Variants in LMNB1 observed in about 807,000 individuals in gnomAD.
LMNB1 encodes the protein lamin-B1.
Under a neutral mutation model 67.1 loss-of-function variants are expected in LMNB1, and 23 were observed. That is an observed-to-expected ratio of 0.34 (90% CI 0.25 to 0.49). LMNB1 has a LOEUF of 0.49. Among genes scored for constraint, LMNB1 ranks in the 20% least tolerant of loss-of-function variants. The pLI, the probability that LMNB1 is intolerant of heterozygous loss-of-function variation, is 0.99. For missense variants in LMNB1, 634 were observed against 746.5 expected, an observed-to-expected ratio of 0.85 and a Z score of 1.76; for synonymous variants, 281 against 282.9, an observed-to-expected ratio of 0.99 and a Z score of 0.07.
intron 1 of LMNB1, among the ~76,000 whole-genome samples, chr5:126,785,146 A>T (rs1580524498): frequency 7.4e-6 from 1 of 135,594 alleles, no homozygotes; most frequent in Non-Finnish European, 1.6e-5. Context: ...TGCCCGGCTA[A>T]TTTTTTTTTT....
intron 1 of LMNB1, among the ~76,000 whole-genome samples, chr5:126,786,552 C>T (rs1382868640): frequency 6.6e-6 from 1 of 152,238 alleles, no homozygotes; most frequent in Admixed American, 6.5e-5. Context: ...TGACTTCTAG[C>T]ATTGTGATAG....
intron 2 of LMNB1, among the ~76,000 whole-genome samples, chr5:126,805,183 T>A (rs1207385639): frequency 6.6e-6 from 1 of 152,196 alleles, no homozygotes; most frequent in Non-Finnish European, 1.5e-5. Context: ...GTGCACACAC[T>A]CATTCTGTCT....
intron 10 of LMNB1, among the ~76,000 whole-genome samples, chr5:126,833,118 G>C (rs1223138017): frequency 6.6e-6 from 1 of 152,056 alleles, no homozygotes; most frequent in Non-Finnish European, 1.5e-5. Flanking sequence ...TACTCTGTAG[G>C]GTCCTATGAT....
chr5:126,822,993 G>A (rs1365624141), intron 8 of LMNB1, 108 bp downstream of exon 8: 1 of 694,954 alleles, frequency 1.4e-6, no homozygotes, highest in African/African-American at 1.8e-5. Context: ...GGCCGTTAAA[G>A]TACTTTTTAT....
intron 9 of LMNB1, among the ~76,000 whole-genome samples, chr5:126,830,580 TAAAG>T (rs1335042011): frequency 6.6e-6 from 1 of 152,222 alleles, no homozygotes; most frequent in African/African-American, 2.4e-5. Flanking sequence ...GGGTTACACT[TAAAG>T]TAGTTATGTT....
At chr5:126,792,638 G>A (rs571491208) in intron 1 of LMNB1, among the ~76,000 whole-genome samples, 3 of 141,520 alleles carry the variant, frequency 2.1e-5, no homozygotes, top group South Asian at 4.5e-4. Context: ...GTGCAGTGGC[G>A]CGATCGCGGC....
At chr5:126,818,338 A>G (rs1474744326) in intron 5 of LMNB1, among the ~76,000 whole-genome samples, 4 of 150,514 alleles carry the variant, frequency 2.7e-5, no homozygotes, top group Non-Finnish European at 5.9e-5. Flanking sequence ...TCCGGGGTTC[A>G]AGCGATTGTC....
rs761096208 is a variant in LMNB1, at chr5:126,777,614, C to T, written c.106C>T (p.Leu36=). 15 of 1,539,784 alleles carry T rather than the reference C, an allele frequency of 9.7e-6. No individual in the cohort carries two copies. The South Asian group carries it at 1.8e-4, about 19-fold the overall frequency. Residue 36 remains leucine, a synonymous_variant, in exon 1 of 11, where the codon CTG becomes TTG. Coordinates refer to ENST00000261366, the MANE Select transcript of LMNB1 (RefSeq NM_005573.4). The part of the protein sequence containing the change: ...RLSRLQEKEE[L]RELNDRLAVY... ...GTCGCGGCTCCAGGAGAAGGAGGAG[C>T]TGCGCGAGCTCAATGACCGGCTGGC... is the stretch of plus-strand genomic sequence containing the variant.
In LMNB1 at chr5:126,777,675, A is replaced by G; in HGVS notation, c.167A>G (p.Glu56Gly). Residue 56 changes from glutamate (E) to glycine (G), a missense_variant, in exon 1 of 11, where the codon GAG becomes GGG. Glu to Gly is a moderately conservative substitution (Grantham distance 98). Coordinates refer to ENST00000261366, the MANE Select transcript of LMNB1 (RefSeq NM_005573.4). ...YIDKVRSLET[E>G]NSALQLQVTE... ...GACAAGGTGCGCAGCCTGGAGACGG[A>G]GAACAGCGCGCTGCAGCTGCAGGTG... is the stretch of plus-strand genomic sequence containing the variant. 6.5e-7 allele frequency: 1 copy of G among 1,545,004 alleles called. No individual in the cohort carries two copies. The highest frequency in any genetic ancestry group is 8.7e-7 in the Non-Finnish European group (1 of 1,144,818).
intron 1 of LMNB1, among the ~76,000 whole-genome samples, chr5:126,799,680 GTAGA>G (rs1751215651): frequency 6.6e-6 from 1 of 152,174 alleles, no homozygotes; most frequent in Non-Finnish European, 1.5e-5. Flanking sequence ...GTAGTACATA[GTAGA>G]TACTCAGTAA....
intron 1 of LMNB1, among the ~76,000 whole-genome samples, chr5:126,792,762 G>A (rs985806000): frequency 1.3e-5 from 2 of 151,724 alleles, no homozygotes; most frequent in African/African-American, 4.8e-5. Flanking sequence ...TTTTAGTAGA[G>A]ACGGGGTTTC....
chr5:126,827,518 G>A (rs1752023858), intron 9 of LMNB1, among the ~76,000 whole-genome samples: 1 of 152,082 alleles, frequency 6.6e-6, no homozygotes, highest in South Asian at 2.1e-4. Context: ...AGAATTAGCC[G>A]GGCATGGTGG....
chr5:126,798,761 A>ATGTGTGTGTGTGTGTG (rs1259847457), intron 1 of LMNB1, among the ~76,000 whole-genome samples: 1 of 84,698 alleles, frequency 1.2e-5, no homozygotes, highest in Non-Finnish European at 2.4e-5. Flanking sequence ...GAAAAAAGAG[A>ATGTGTGTGTGTGTGTG]AGTGTGTGTG....
intron 1 of LMNB1, among the ~76,000 whole-genome samples, chr5:126,788,180 G>A (rs934561642): frequency 6.6e-6 from 1 of 152,242 alleles, no homozygotes; most frequent in Non-Finnish European, 1.5e-5. Context: ...AAATTGGTGG[G>A]GAATGAACAG....
chr5:126,800,981 A>ATTTTTTTTTT (rs1554113727), intron 1 of LMNB1, among the ~76,000 whole-genome samples: 2 of 28,056 alleles, frequency 7.1e-5, no homozygotes, highest in African/African-American at 1.1e-4. Flanking sequence ...ATATATATAT[A>ATTTTTTTTTT]ATTTTTTTTT....
At chr5:126,793,879 AAAAGAAAGAAAG>A (rs200364620) in intron 1 of LMNB1, among the ~76,000 whole-genome samples, 1 of 151,732 alleles carries the variant, frequency 6.6e-6, no homozygotes, top group African/African-American at 2.4e-5. Context: ...TCCATCTCCA[AAAAGAAAGAAAG>A]AAAGAAAGAA....
chr5:126,814,405 T>C (rs2126721921), intron 5 of LMNB1, among the ~76,000 whole-genome samples: 1 of 152,348 alleles, frequency 6.6e-6, no homozygotes, highest in Middle Eastern at 3.4e-3. Flanking sequence ...TCTCTTGAGG[T>C]TGATCTTCAC....
intron 7 of LMNB1, among the ~76,000 whole-genome samples, chr5:126,821,589 G>C (rs941825964): frequency 1.3e-5 from 2 of 152,210 alleles, no homozygotes; most frequent in Non-Finnish European, 2.9e-5. Flanking sequence ...ATAAATGAAT[G>C]AACAAATGCT....
intron 9 of LMNB1, 58 bp from the exon 10 acceptor site, chr5:126,832,636 T>G (rs1752162416): frequency 2.4e-6 from 3 of 1,226,258 alleles, no homozygotes; most frequent in Non-Finnish European, 3.6e-6. Flanking sequence ...AAGGTCCCTC[T>G]CCCCCGCATT....
Sources: allele counts gnomAD v4.1 joint callset (sites outside exome capture counted in the v4.1 genomes callset), GRCh38; gene constraint gnomAD v4.1.1; transcripts MANE v1.5; gene names NCBI Gene and HGNC (gene_info 2026-07-23, HGNC 2026-07-21).